NAV2: variants seen among roughly 807,000 people sequenced by gnomAD.
The protein encoded by NAV2 is neuron navigator 2, also known as helicase, APC down-regulated 1.
In NAV2, 54 loss-of-function variants were observed where a neutral mutation model predicts 223.2. The observed-to-expected ratio is 0.24, with a 90% CI of 0.19 to 0.30. The LOEUF is 0.30. Ranked by LOEUF, NAV2 falls within the 10% of genes least tolerant of loss-of-function variation. The probability of loss-of-function intolerance (pLI) is 1.00; values close to 1 mark genes in which losing one functional copy is unlikely to be tolerated. For missense variants in NAV2, 2,806 were observed against 3,147.5 expected, an observed-to-expected ratio of 0.89 and a Z score of 2.60; for synonymous variants, 1,279 against 1,239.3, an observed-to-expected ratio of 1.03 and a Z score of -0.67.
At chr11:20,104,644 C>T (rs1181534231) in intron 34 of NAV2, 1 of 152,468 alleles carries the variant, frequency 6.6e-6, no homozygotes, top group Non-Finnish European at 1.5e-5. Context: ...ACACCATTGC[C>T]ATCACCTAGC....
chr11:20,079,495 A>G (rs1424077076), intron 24 of NAV2, among the ~76,000 whole-genome samples: 2 of 152,222 alleles, frequency 1.3e-5, no homozygotes, highest in Non-Finnish European at 2.9e-5. Context: ...TTTATGTCAG[A>G]TATCACACAT....
At chr11:19,657,223 A>G (rs898222921) in intron 1 of NAV2, among the ~76,000 whole-genome samples, 2 of 152,156 alleles carry the variant, frequency 1.3e-5, no homozygotes, top group Admixed American at 6.5e-5. Context: ...AGAGCTGGAA[A>G]AAGCAGGAGA....
chr11:19,777,980 CG>C (rs11353368), intron 1 of NAV2: 8,364 of 455,898 alleles, frequency 0.018, 441 homozygotes, highest in East Asian at 0.12. Context: ...ACATGAGCCC[CG>C]AGTGAGTGAG....
intron 6 of NAV2, among the ~76,000 whole-genome samples, chr11:19,926,751 A>G (rs546835401): frequency 7.2e-4 from 109 of 152,318 alleles, no homozygotes; most frequent in African/African-American, 1.9e-3. Flanking sequence ...CCCACACCCA[A>G]TTATCAGGCC....
intron 10 of NAV2, among the ~76,000 whole-genome samples, chr11:19,962,802 G>C (rs1328910824): frequency 1.3e-5 from 2 of 152,178 alleles, no homozygotes; most frequent in African/African-American, 4.8e-5. Flanking sequence ...CCCCAAGTTT[G>C]TCTCCAGAGC....
intron 1 of NAV2, chr11:19,380,732 T>C (rs1368890872): frequency 1.3e-5 from 2 of 152,300 alleles, no homozygotes; most frequent in East Asian, 1.9e-4. Flanking sequence ...GCTGCTTCTC[T>C]GCTATGGTCT....
intron 1 of NAV2, among the ~76,000 whole-genome samples, chr11:19,497,755 G>C (rs1365986484): frequency 2.0e-5 from 3 of 152,070 alleles, no homozygotes; most frequent in Non-Finnish European, 2.9e-5. Flanking sequence ...TTCCCTTTTG[G>C]AGTGTCTCGG....
chr11:20,018,801 A>T (rs1001243409), intron 11 of NAV2, among the ~76,000 whole-genome samples: 1 of 152,190 alleles, frequency 6.6e-6, no homozygotes, highest in Non-Finnish European at 1.5e-5. Context: ...ATATGGTGGA[A>T]TGTAATTGGG....
chr11:19,674,515 G>T (rs1221166683), intron 1 of NAV2, among the ~76,000 whole-genome samples: 1 of 152,206 alleles, frequency 6.6e-6, no homozygotes, highest in Non-Finnish European at 1.5e-5. Context: ...TCCCAGTTTT[G>T]CAGTGAGCAG....
At chr11:19,854,312 A>T (rs953449845) in intron 3 of NAV2, among the ~76,000 whole-genome samples, 1 of 152,200 alleles carries the variant, frequency 6.6e-6, no homozygotes, top group African/African-American at 2.4e-5. Context: ...TGGCATCTGC[A>T]TGTTGGAAAC....
chr11:19,956,820 C>T (rs759465249), intron 10 of NAV2, among the ~76,000 whole-genome samples: 15 of 152,112 alleles, frequency 9.9e-5, no homozygotes, highest in Admixed American at 7.2e-4. Context: ...TCTCCATCCC[C>T]GCCTTACTGT....
At chr11:19,529,057 T>C (rs2134406226) in intron 1 of NAV2, among the ~76,000 whole-genome samples, 1 of 152,240 alleles carries the variant, frequency 6.6e-6, no homozygotes, top group South Asian at 2.1e-4. Flanking sequence ...TTTTGGCACG[T>C]GCGTGCACAC....
At chr11:19,595,510 T>G (rs1392839223) in intron 1 of NAV2, among the ~76,000 whole-genome samples, 4 of 152,126 alleles carry the variant, frequency 2.6e-5, no homozygotes, top group Non-Finnish European at 5.9e-5. Flanking sequence ...TTTTACAACT[T>G]GATCAAGGTT....
intron 1 of NAV2, among the ~76,000 whole-genome samples, chr11:19,600,172 C>A (rs2046315420): frequency 6.6e-6 from 1 of 152,158 alleles, no homozygotes; most frequent in Non-Finnish European, 1.5e-5. Context: ...AGAATTGTCC[C>A]ATGGAGGAAC....
At chr11:19,761,880 A>G (rs946848176) in intron 1 of NAV2, among the ~76,000 whole-genome samples, 4 of 152,104 alleles carry the variant, frequency 2.6e-5, no homozygotes, top group African/African-American at 4.8e-5. Context: ...CCTGGTCCAA[A>G]CCATCTGCAT....
rs11025106 is a variant in NAV2, at chr11:19,377,985, G to A, written c.75+26958G>A. On this transcript the variant is annotated intron_variant, in intron 1 of 37. Coordinates refer to the NAV2 transcript ENST00000360655. ...TACAGCCTTTTGAATAGATTAAGGAGGTGAGGCTGGGAGGAGGCAGGTGGA... is the reference window on the plus strand; with the variant it reads ...TACAGCCTTTTGAATAGATTAAGGAAGTGAGGCTGGGAGGAGGCAGGTGGA... Among the ~76,000 whole-genome samples, 1,307 of 152,264 alleles carry A rather than the reference G, an allele frequency of 8.6e-3. 8 individuals are homozygous for A. The highest frequency in any genetic ancestry group is 0.014 in the Non-Finnish European group (931 of 68,022).
At chr11:19,522,388 T>A (rs1330514851) in intron 1 of NAV2, among the ~76,000 whole-genome samples, 2 of 152,220 alleles carry the variant, frequency 1.3e-5, no homozygotes, top group Non-Finnish European at 1.5e-5. Context: ...TACAGGAGTG[T>A]GGCCTCCAGA....
upstream of NAV2, chr11:19,350,702 A>G (rs1853258131): frequency 1.9e-6 from 1 of 519,484 alleles, no homozygotes; most frequent in South Asian, 2.1e-5. Context: ...CTCAGACCTA[A>G]AGTAAAACCC....
Position 20,045,188 on chromosome 11 carries a change from G to T in NAV2, c.3420G>T (p.Val1140=), listed in dbSNP as rs774886642. 9 of 1,614,172 alleles carry T rather than the reference G, an allele frequency of 5.6e-6. No individual in the cohort carries two copies. Among genetic ancestry groups the T allele is most frequent in the Non-Finnish European group, 7.6e-6 (9 of 1,180,016 alleles). ...AGLAMITASG[V]TVTSRSATLG... is the part of the protein sequence containing the mutation. Reference sequence around the variant, plus strand: ...TGGCCATGATCACAGCCAGCGGGGTGACTGTCACCAGCAGGTCAGCCACAC... The same window carrying T: ...TGGCCATGATCACAGCCAGCGGGGTTACTGTCACCAGCAGGTCAGCCACAC... Residue 1140 remains valine (V), a synonymous_variant, in exon 14 of 38, where the codon GTG becomes GTT. Coordinates refer to ENST00000349880, the MANE Select transcript of NAV2 (RefSeq NM_145117.5).
Sources: gnomAD v4.1 joint callset for allele counts (sites outside exome capture counted in the v4.1 genomes callset) on GRCh38, gnomAD v4.1.1 for gene constraint, MANE v1.5 for transcripts, NCBI Gene and HGNC (gene_info 2026-07-23, HGNC 2026-07-21) for gene names.